The following KDM2B variants were observed in gnomAD, a reference collection of about 807,000 sequenced individuals.
KDM2B encodes the protein lysine demethylase 2B.
In KDM2B, 26 loss-of-function variants were observed where a neutral mutation model predicts 150.0. That is an observed-to-expected ratio of 0.17 (90% CI 0.13 to 0.24). The LOEUF (loss-of-function observed/expected upper bound fraction) is 0.24, where lower values mean the gene tolerates loss of function less well. KDM2B is among the 10% of genes least tolerant of loss of function. KDM2B has a pLI of 1.00. For synonymous variants in KDM2B, 734 were observed against 729.5 expected (o/e 1.01, Z -0.10); for missense variants, 1,265 against 1,816.9 (o/e 0.70, Z 5.52).
In KDM2B at chr12:121,430,661, G is replaced by C; in HGVS notation, c.3830-192C>G. ...AAACGGGGAAGGGTCTCACCCGCCA[G>C]GTATAAAGGTTAATATATGCCTCAA... On this transcript the variant is annotated intron_variant, in intron 22 of 22. Transcript: ENST00000377071. The surrounding 1 kb of genome is among the most constrained non-coding windows in gnomAD (Gnocchi z 4.4). 3.4e-6 allele frequency: 2 copies of C among 596,618 alleles called. No individual in the cohort carries two copies. Among genetic ancestry groups the C allele is most frequent in the Non-Finnish European group, 6.0e-6 (2 of 335,386 alleles). The allele number at this position is 596,618 out of a possible 1,614,324, so 37.0% of individuals were successfully genotyped here. A position where few individuals can be genotyped will look rare whatever the true frequency, so the allele number is the denominator to read the frequency against.
chr12:121,555,350 G>C (rs1889811214), intron 4 of KDM2B, among the ~76,000 whole-genome samples: 1 of 152,080 alleles, frequency 6.6e-6, no homozygotes. Context: ...TATCAAAAAA[G>C]AAAGAATAAC....
At chr12:121,421,689 G>A in the KDM2B span, among the ~76,000 whole-genome samples, 1 of 151,846 alleles carries the variant, frequency 6.6e-6, no homozygotes, top group Non-Finnish European at 1.5e-5. Context: ...CTTTTTAATT[G>A]TAAAAAAAAT....
At position 121,442,859 on chromosome 12, in the gene KDM2B, G is replaced by T; in HGVS notation, c.2605-23C>A. 1 of 1,518,326 alleles carries T rather than the reference G, an allele frequency of 6.6e-7. No homozygotes were observed. Among genetic ancestry groups the T allele is most frequent in the Middle Eastern group, 2.0e-4 (1 of 5,078 alleles). The allele number at this position is 1,518,326 out of a possible 1,614,324, so 94.1% of individuals were successfully genotyped here. A position where few individuals can be genotyped will look rare whatever the true frequency, so the allele number is the denominator to read the frequency against. ...CCGCTGAGGGCGAGAGCGGAGACGC[G>T]TCAGCCTCTGGGGCTCAGGGCTGCG... is the stretch of plus-strand genomic sequence containing the variant. On this transcript the variant is annotated intron_variant, in intron 18 of 22. Transcript: ENST00000377071. This position sits in a 1 kb window ranked among gnomAD's most constrained non-coding sequence, Gnocchi z 7.7.
intron 13 of KDM2B, 118 bp from the exon 14 acceptor site, chr12:121,445,536 G>C: frequency 9.8e-7 from 1 of 1,015,716 alleles, no homozygotes; most frequent in African/African-American, 1.6e-5. Context: ...CCCCCGGAAA[G>C]TGGCCCAGGC....
Position 121,520,499 on chromosome 12 carries a change from G to A in KDM2B, c.1047+486C>T, listed in dbSNP as rs1555305678. On this transcript the variant is annotated intron_variant, in intron 9 of 22. Transcript: ENST00000377071. The surrounding 1 kb of genome is among the most constrained non-coding windows in gnomAD (Gnocchi z 4.5). ...GAGACTACCTCAGAGACAGTACCCA[G>A]GGGGACTCAGGCACTGGCTTCCTCA... is the stretch of plus-strand genomic sequence containing the variant. Among the ~76,000 whole-genome samples, 1 of 152,116 alleles carries A rather than the reference G, an allele frequency of 6.6e-6. No individual in the cohort carries two copies. Among genetic ancestry groups the A allele is most frequent in the East Asian group, 1.9e-4 (1 of 5,186 alleles).
At chr12:121,474,301 C>T (rs782565700) in intron 12 of KDM2B, among the ~76,000 whole-genome samples, 21 of 151,946 alleles carry the variant, frequency 1.4e-4, no homozygotes, top group Non-Finnish European at 2.8e-4. Context: ...ATCACGAGGT[C>T]GGGAGATCAA....
At chr12:121,564,970 T>C (rs1890595257) in intron 4 of KDM2B, among the ~76,000 whole-genome samples, 1 of 151,828 alleles carries the variant, frequency 6.6e-6, no homozygotes, top group Admixed American at 6.6e-5. Context: ...GTAGCTGGGA[T>C]TGCAGGCGTG....
intron 12 of KDM2B, among the ~76,000 whole-genome samples, chr12:121,464,352 G>A (rs782347411): frequency 4.6e-5 from 7 of 152,242 alleles, no homozygotes; most frequent in South Asian, 2.1e-4. Flanking sequence ...AGAAGCAAAT[G>A]AAGTCTGTGG....
intron 4 of KDM2B, among the ~76,000 whole-genome samples, chr12:121,566,082 G>A (rs1399888982): frequency 6.6e-6 from 1 of 152,088 alleles, no homozygotes; most frequent in Non-Finnish European, 1.5e-5. Flanking sequence ...CAAACAATAA[G>A]GCTTTTTGAG....
At chr12:121,476,656 C>T (rs896801913) in intron 12 of KDM2B, among the ~76,000 whole-genome samples, 3 of 152,120 alleles carry the variant, frequency 2.0e-5, no homozygotes, top group Non-Finnish European at 4.4e-5. Context: ...TGCTAACAGT[C>T]ACTGTGGGGG....
At chr12:121,446,363 A>C (rs1267991867) in intron 13 of KDM2B, among the ~76,000 whole-genome samples, 1 of 152,194 alleles carries the variant, frequency 6.6e-6, no homozygotes, top group Non-Finnish European at 1.5e-5. Flanking sequence ...ATGCCACTGC[A>C]CTCCAGCCTG....
In KDM2B at chr12:121,486,718, G is replaced by A. The variant is rs1469297111; in HGVS notation, c.1734+7861C>T. ...GGAGAATTACCTGAGCCCAGGAGGC[G>A]GAGGTTGGTACTGAGCCAAGGTTGC... On this transcript the variant is annotated intron_variant, in intron 12 of 22. Coordinates refer to ENST00000377071, the MANE Select transcript of KDM2B (RefSeq NM_032590.5). 7.9e-5 allele frequency among the ~76,000 whole-genome samples: 12 copies of A among 152,086 alleles called. No individual in the cohort carries two copies. In the East Asian group the frequency reaches 9.7e-4, roughly 12 times the overall value.
intron 2 of KDM2B, among the ~76,000 whole-genome samples, chr12:121,578,263 ATGCGGCTC>A (rs1463516817): frequency 6.6e-6 from 1 of 152,152 alleles, no homozygotes; most frequent in African/African-American, 2.4e-5. Context: ...CCATGGGGGA[ATGCGGCTC>A]TGCGGACCCC....
Position 121,528,449 on chromosome 12 carries a change from C to T in KDM2B, c.931+4357G>A, listed in dbSNP as rs534293899. ...TAGCGTACGCTTGTAATCCCAGCTACTCAGGAGGCTGAGGCATGAGAATTG... is the reference window on the plus strand; with the variant it reads ...TAGCGTACGCTTGTAATCCCAGCTATTCAGGAGGCTGAGGCATGAGAATTG... On this transcript the variant is annotated intron_variant, in intron 8 of 22. Transcript: ENST00000377071. Among the ~76,000 whole-genome samples, 4 of 152,208 alleles carry T rather than the reference C, an allele frequency of 2.6e-5. No homozygotes were observed. In the South Asian group the frequency reaches 8.3e-4, roughly 32 times the overall value.
At chr12:121,580,123 G>A in intron 1 of KDM2B, 1 of 1,572,774 alleles carries the variant, frequency 6.4e-7, no homozygotes, top group Non-Finnish European at 8.6e-7. Context: ...GGGGGAAGGA[G>A]GGAAGACCAA....
chr12:121,421,371 T>TACAAAAAAAAAAA, the KDM2B span, among the ~76,000 whole-genome samples: 4 of 46,364 alleles, frequency 8.6e-5, no homozygotes, highest in African/African-American at 2.7e-4. Flanking sequence ...ATCCCATCTC[T>TACAAAAAAAAAAA]AAAAAAAAAA....
chr12:121,534,648 A>G (rs1887945209), intron 6 of KDM2B, 58 bp from the exon 7 acceptor site: 9 of 1,316,152 alleles, frequency 6.8e-6, no homozygotes, highest in Non-Finnish European at 9.9e-6. Context: ...ACAAGACGTA[A>G]GCAAAGGACT....
chr12:121,440,494 G>GTT lies in KDM2B; in HGVS notation c.3610+321_3610+322insAA, dbSNP rs1874812221. 2.1e-5 allele frequency: 8 copies of GTT among 387,244 alleles called. No individual in the cohort carries two copies. The South Asian group carries it at 2.5e-4, about 12-fold the overall frequency. 24.0% of individuals were successfully genotyped at this position (387,244 alleles called of 1,614,324 possible). A position where few individuals can be genotyped will look rare whatever the true frequency, so the allele number is the denominator to read the frequency against. On this transcript the variant is annotated intron_variant, in intron 21 of 22. Transcript: ENST00000377071. The stretch of plus-strand genomic sequence containing the variant: ...GAGGCTTGAAACCAACGAGGGGCAA[G>GTT]TCAACAGAAAAGAAGTGAGATGCAC...
chr12:121,445,423 G>A lies in KDM2B; in HGVS notation c.1960-5C>T. The A allele has an allele frequency of 6.3e-7, 1 of 1,586,534 alleles. No homozygotes were observed. Among genetic ancestry groups the A allele is most frequent in the Non-Finnish European group, 8.6e-7 (1 of 1,164,824 alleles). On this transcript the variant is annotated splice_region_variant and splice_polypyrimidine_tract_variant and intron_variant, in intron 13 of 22. Transcript: ENST00000377071. Reference sequence around the variant, plus strand: ...GGCGGTGTGGGGCAGCACTGGCTGAGGAGCCAGGGAGAACAAGACAAGTCA... The same window carrying A: ...GGCGGTGTGGGGCAGCACTGGCTGAAGAGCCAGGGAGAACAAGACAAGTCA...
Sources: allele counts gnomAD v4.1 joint callset (sites outside exome capture counted in the v4.1 genomes callset), GRCh38; gene constraint gnomAD v4.1.1; non-coding constraint Gnocchi (gnomAD v3.1); transcripts MANE v1.5; gene names NCBI Gene and HGNC (gene_info 2026-07-23, HGNC 2026-07-21).